Variants in CHP1 observed in about 807,000 individuals in gnomAD.
The protein encoded by CHP1 is calcineurin B homologous protein 1.
A neutral mutation model predicts 27.4 loss-of-function variants in CHP1; 11 were observed. The observed-to-expected ratio is 0.40, with a 90% CI of 0.25 to 0.67. CHP1 has a LOEUF of 0.67. CHP1 is among the 30% of genes least tolerant of loss of function. The probability of loss-of-function intolerance (pLI) is 0.38; values close to 1 mark genes in which losing one functional copy is unlikely to be tolerated. For missense variants in CHP1, 169 were observed against 251.3 expected (o/e 0.67, Z 2.22); for synonymous variants, 89 against 87.4 (o/e 1.02, Z -0.10).
intron 3 of CHP1, among the ~76,000 whole-genome samples, chr15:41,259,805 T>C (rs2047423015): frequency 6.6e-6 from 1 of 152,248 alleles, no homozygotes; most frequent in Non-Finnish European, 1.5e-5. Flanking sequence ...CAGGCTGGCA[T>C]GCAGTGGTGT....
intron 2 of CHP1, among the ~76,000 whole-genome samples, chr15:41,249,216 A>T (rs779178274): frequency 1.3e-5 from 2 of 151,964 alleles, no homozygotes; most frequent in Non-Finnish European, 2.9e-5. Flanking sequence ...GTCTGACTCT[A>T]TTGCCCAGGC....
At chr15:41,240,601 A>C (rs1236096325) in intron 1 of CHP1, among the ~76,000 whole-genome samples, 2 of 151,878 alleles carry the variant, frequency 1.3e-5, no homozygotes, top group Non-Finnish European at 2.9e-5. Flanking sequence ...TAAAAATACA[A>C]AATTAGCTGG....
At chr15:41,275,402 A>C (rs536319563) in intron 5 of CHP1, among the ~76,000 whole-genome samples, 1 of 151,964 alleles carries the variant, frequency 6.6e-6, no homozygotes, top group Non-Finnish European at 1.5e-5. Flanking sequence ...TGATCTGCCT[A>C]CCTCGGCCTC....
intron 1 of CHP1, chr15:41,234,022 C>G (rs1049625200): frequency 2.6e-4 from 40 of 152,170 alleles, no homozygotes; most frequent in African/African-American, 8.9e-4. Context: ...GAGCATAGCT[C>G]ACTGCAAGCC....
At chr15:41,243,787 T>C (rs1361196539) in intron 2 of CHP1, 48 bp downstream of exon 2, 1 of 1,539,176 alleles carries the variant, frequency 6.5e-7, no homozygotes, top group South Asian at 1.1e-5. Flanking sequence ...AGAAACCCTC[T>C]GGCAGTGTCT....
chr15:41,245,121 C>G (rs562571800), intron 2 of CHP1, among the ~76,000 whole-genome samples: 1 of 152,262 alleles, frequency 6.6e-6, no homozygotes, highest in East Asian at 1.9e-4. Context: ...CCTTCTTTTT[C>G]TCTCTGGACA....
chr15:41,273,504 C>G (rs12902777), intron 5 of CHP1, among the ~76,000 whole-genome samples: 7 of 152,046 alleles, frequency 4.6e-5, no homozygotes, highest in Admixed American at 4.6e-4. Flanking sequence ...GACTCAGCCT[C>G]CAGTGTAGCT....
chr15:41,262,626 C>T (rs552696598), intron 3 of CHP1, 130 bp from the exon 4 acceptor site: 22 of 1,169,270 alleles, frequency 1.9e-5, no homozygotes, highest in South Asian at 4.2e-5. Flanking sequence ...AAGTACCATG[C>T]GTATGGAAAG....
At chr15:41,238,480 T>G (rs903491798) in intron 1 of CHP1, among the ~76,000 whole-genome samples, 5 of 152,084 alleles carry the variant, frequency 3.3e-5, no homozygotes, top group Non-Finnish European at 7.3e-5. Context: ...GTCTTTTAAA[T>G]AATCTTTTAA....
chr15:41,233,797 T>C (rs2047264034), intron 1 of CHP1, among the ~76,000 whole-genome samples: 1 of 152,114 alleles, frequency 6.6e-6, no homozygotes. Flanking sequence ...CCTTGATACA[T>C]GGGTGGAGTA....
intron 2 of CHP1, among the ~76,000 whole-genome samples, chr15:41,250,698 T>C (rs574636065): frequency 6.8e-6 from 1 of 147,852 alleles, no homozygotes; most frequent in East Asian, 2.0e-4. Context: ...ACTTCCCAGC[T>C]AAAGGGCCCA....
At chr15:41,273,682 T>C (rs1185912532) in intron 5 of CHP1, among the ~76,000 whole-genome samples, 3 of 149,258 alleles carry the variant, frequency 2.0e-5, no homozygotes, top group Non-Finnish European at 3.0e-5. Flanking sequence ...CATCCATTCA[T>C]GATTTAAAAA....
chr15:41,248,237 C>A (rs1241416024), intron 2 of CHP1, among the ~76,000 whole-genome samples: 1 of 151,972 alleles, frequency 6.6e-6, no homozygotes, highest in Non-Finnish European at 1.5e-5. Flanking sequence ...CAACCTCAAC[C>A]TCCTGGGCTC....
rs1013120622 is a variant in CHP1 at position 41,278,104 on chromosome 15, G to A, written c.412-663G>A. On this transcript the variant is annotated intron_variant, in intron 5 of 6. Transcript: ENST00000334660. ...AGCACTTTGGGAGGCCGAGGTGAGC[G>A]GATCACGAGGTCAGGAGATCGAGAC... Among the ~76,000 whole-genome samples, 9 of 151,888 alleles carry A rather than the reference G, an allele frequency of 5.9e-5. No homozygotes were observed. In the South Asian group the frequency reaches 1.0e-3, roughly 18 times the overall value.
intron 2 of CHP1, among the ~76,000 whole-genome samples, chr15:41,245,452 G>C (rs1683066198): frequency 6.6e-6 from 1 of 152,196 alleles, no homozygotes; most frequent in South Asian, 2.1e-4. Context: ...CTGTATTCCA[G>C]CCTGGGCGAC....
At chr15:41,244,122 C>T (rs934749590) in intron 2 of CHP1, among the ~76,000 whole-genome samples, 3 of 148,022 alleles carry the variant, frequency 2.0e-5, no homozygotes, top group Non-Finnish European at 3.0e-5. Context: ...TGCTTGAACC[C>T]GGGAGGCAGA....
In CHP1 at chr15:41,274,117, C is replaced by T. The variant is rs376567974; in HGVS notation, c.411+3499C>T. Among the ~76,000 whole-genome samples, 21 of 152,022 alleles carry T rather than the reference C, an allele frequency of 1.4e-4. No homozygotes were observed. The East Asian group carries it at 1.6e-3, about 11-fold the overall frequency. ...CTGGGACTATAGGCACCTGCCACCACGCCTGGCTAATTTTTGTATTTTTAG... is the reference window on the plus strand; with the variant it reads ...CTGGGACTATAGGCACCTGCCACCATGCCTGGCTAATTTTTGTATTTTTAG... On this transcript the variant is annotated intron_variant, in intron 5 of 6. Coordinates refer to ENST00000334660, the MANE Select transcript of CHP1 (RefSeq NM_007236.5).
chr15:41,241,212 G>GA (rs1323650159), intron 1 of CHP1, among the ~76,000 whole-genome samples: 34 of 152,332 alleles, frequency 2.2e-4, no homozygotes, highest in African/African-American at 7.7e-4. Flanking sequence ...TTTAGTACAA[G>GA]AATAGCCTTT....
intron 2 of CHP1, among the ~76,000 whole-genome samples, chr15:41,252,208 T>G (rs1224377566): frequency 1.3e-5 from 2 of 151,760 alleles, no homozygotes; most frequent in African/African-American, 2.4e-5. Context: ...AGAGTCTCGC[T>G]CTGTTGCCCA....
Sources: gnomAD v4.1 joint callset for allele counts (sites outside exome capture counted in the v4.1 genomes callset) on GRCh38, gnomAD v4.1.1 for gene constraint, MANE v1.5 for transcripts, NCBI Gene and HGNC (gene_info 2026-07-23, HGNC 2026-07-21) for gene names.